The following SYNE2 variants were observed in gnomAD, a reference collection of about 807,000 sequenced individuals.
SYNE2 encodes the protein nesprin-2.
SYNE2 carries 431 observed loss-of-function variants against 856.3 expected under a neutral mutation model. That is an observed-to-expected ratio of 0.50 (90% CI 0.47 to 0.55). The LOEUF is 0.55. Among genes scored for constraint, SYNE2 ranks in the 20% least tolerant of loss-of-function variants. The pLI is 0.00. For synonymous variants in SYNE2, 2,923 were observed against 2,872.3 expected (o/e 1.02, Z -0.56); for missense variants, 8,129 against 8,023.2 (o/e 1.01, Z -0.50).
chr14:64,223,013 T>C (rs1028185440), intron 112 of SYNE2, among the ~76,000 whole-genome samples, 176 bp from the exon 113 acceptor site: 1 of 152,226 alleles, frequency 6.6e-6, no homozygotes, highest in African/African-American at 2.4e-5. Flanking sequence ...ATACACTTGC[T>C]ATCTAAATAG....
At position 64,106,138 on chromosome 14, in the gene SYNE2, C is replaced by G. The variant is rs1023601134; in HGVS notation, c.12493-1353C>G. Among the ~76,000 whole-genome samples, 9 of 148,606 alleles carry G rather than the reference C, an allele frequency of 6.1e-5. No homozygotes were observed. The East Asian group carries it at 8.0e-4, about 13-fold the overall frequency. On this transcript the variant is annotated intron_variant, in intron 64 of 115. Transcript: ENST00000555002. ...CATGGAATTGCATTTCCAGACCCCC[C>G]CCCCCAACCAACACACAAGCTGATT... is the stretch of plus-strand genomic sequence containing the variant.
intron 83 of SYNE2, 100 bp downstream of exon 83, chr14:64,144,048 G>A: frequency 7.1e-7 from 1 of 1,408,076 alleles, no homozygotes. Context: ...TGATTATTAA[G>A]CCTAATAATC....
chr14:63,797,675 C>A (rs575911909), intron 1 of SYNE2, among the ~76,000 whole-genome samples: 3 of 152,228 alleles, frequency 2.0e-5, no homozygotes, highest in Non-Finnish European at 4.4e-5. Context: ...CTCCTGACCA[C>A]AAGTGATCCA....
chr14:64,161,559 A>G (rs1395476727), intron 87 of SYNE2, among the ~76,000 whole-genome samples: 1 of 152,080 alleles, frequency 6.6e-6, no homozygotes, highest in Non-Finnish European at 1.5e-5. Flanking sequence ...TATCAGGCAT[A>G]CAGTTCAGTG....
intron 38 of SYNE2, 194 bp from the exon 39 acceptor site, chr14:64,024,063 G>A (rs1310492684): frequency 7.3e-6 from 4 of 550,528 alleles, no homozygotes; most frequent in South Asian, 1.9e-5. Context: ...TTTGCTTGAT[G>A]TAATTCCCAA....
intron 6 of SYNE2, among the ~76,000 whole-genome samples, chr14:63,948,191 A>G (rs1312755378): frequency 6.6e-6 from 1 of 151,276 alleles, no homozygotes; most frequent in Non-Finnish European, 1.5e-5. Context: ...ACACACACAC[A>G]CACACACTCC....
At chr14:63,766,813 C>A (rs1886704681) in intron 1 of SYNE2, among the ~76,000 whole-genome samples, 1 of 152,116 alleles carries the variant, frequency 6.6e-6, no homozygotes, top group Non-Finnish European at 1.5e-5. Context: ...GGCCTTAGAT[C>A]TCCTTCTTTG....
intron 78 of SYNE2, 58 bp from the exon 79 acceptor site, chr14:64,137,729 A>G: frequency 1.3e-6 from 2 of 1,578,292 alleles, no homozygotes; most frequent in South Asian, 1.1e-5. Flanking sequence ...GTATTTGTGA[A>G]TAGCTTGGCA....
intron 45 of SYNE2, among the ~76,000 whole-genome samples, chr14:64,038,212 G>A (rs1595052822): frequency 1.3e-5 from 2 of 152,204 alleles, no homozygotes; most frequent in South Asian, 2.1e-4. Flanking sequence ...TGGGCGGCCG[G>A]GCAGAGACGC....
At chr14:63,826,143 A>G (rs578248543) in intron 1 of SYNE2, among the ~76,000 whole-genome samples, 1 of 152,318 alleles carries the variant, frequency 6.6e-6, no homozygotes, top group Admixed American at 6.5e-5. Flanking sequence ...CCCAATTTCA[A>G]AACTTACTAA....
rs2096481674 is a variant in SYNE2, at chr14:63,971,838, A to T, written c.1128+3992A>T. Reference sequence around the variant, plus strand: ...TTGCCTTCATTAAAAAAATGACTTTATTGAGGAATAATTTATGTAACATCT... The same window carrying T: ...TTGCCTTCATTAAAAAAATGACTTTTTTGAGGAATAATTTATGTAACATCT... On this transcript the variant is annotated intron_variant, in intron 11 of 115. Transcript: ENST00000555002. Among the ~76,000 whole-genome samples the T allele has an allele frequency of 6.6e-5, 10 of 152,088 alleles. No individual in the cohort carries two copies. In the South Asian group the frequency reaches 2.1e-3, roughly 31 times the overall value.
chr14:63,885,739 A>G (rs1433942173), intron 1 of SYNE2, among the ~76,000 whole-genome samples: 1 of 152,122 alleles, frequency 6.6e-6, no homozygotes, highest in Non-Finnish European at 1.5e-5. Context: ...AACCTGTTTT[A>G]TTTTGAATAT....
chr14:63,855,997 ATGT>A (rs1051389382), intron 1 of SYNE2, among the ~76,000 whole-genome samples: 1 of 152,156 alleles, frequency 6.6e-6, no homozygotes, highest in African/African-American at 2.4e-5. Context: ...GGAGCTAGCC[ATGT>A]TGTTGTGGCA....
At chr14:64,106,762 A>G (rs959960431) in intron 64 of SYNE2, among the ~76,000 whole-genome samples, 2 of 152,164 alleles carry the variant, frequency 1.3e-5, no homozygotes, top group African/African-American at 4.8e-5. Flanking sequence ...TGTAGTCAAT[A>G]CTAATATTAT....
intron 6 of SYNE2, 44 bp downstream of exon 6, chr14:63,942,187 G>A: frequency 8.4e-7 from 1 of 1,189,326 alleles, no homozygotes; most frequent in Non-Finnish European, 1.2e-6. Context: ...CCCTACCACA[G>A]TATAAAATAA....
intron 10 of SYNE2, among the ~76,000 whole-genome samples, chr14:63,966,444 G>T (rs1159802900): frequency 1.3e-5 from 2 of 151,996 alleles, no homozygotes; most frequent in African/African-American, 4.8e-5. Context: ...GTTCACTTGA[G>T]CCCAGGAGGC....
chr14:64,026,527 G>A (rs1274600199), intron 41 of SYNE2, 52 bp from the exon 42 acceptor site: 23 of 1,355,786 alleles, frequency 1.7e-5, no homozygotes, highest in Non-Finnish European at 2.3e-5. Flanking sequence ...ATAGCATGTA[G>A]TATCTCTAAG....
At position 64,216,405 on chromosome 14, in the gene SYNE2, T is replaced by C. The variant is rs2098666684; in HGVS notation, c.19542+18T>C. ...CACCCTATGTAAGTCTTAACTTCAC[T>C]GGGAGTACAGCCTATGTCTGTGAGT... On this transcript the variant is annotated intron_variant, in intron 108 of 115. Coordinates refer to ENST00000555002, the MANE Select transcript of SYNE2 (RefSeq NM_182914.3). 5 of 1,613,410 alleles carry C rather than the reference T, an allele frequency of 3.1e-6. No homozygotes were observed. The highest frequency in any genetic ancestry group is 4.2e-6 in the Non-Finnish European group (5 of 1,179,342).
intron 38 of SYNE2, 32 bp downstream of exon 38, chr14:64,022,895 T>C: frequency 8.5e-7 from 1 of 1,182,592 alleles, no homozygotes; most frequent in South Asian, 1.3e-5. Flanking sequence ...TTAATAAAAA[T>C]TTTCAATACT....
Sources: gnomAD v4.1 joint callset for allele counts (sites outside exome capture counted in the v4.1 genomes callset) on GRCh38, gnomAD v4.1.1 for gene constraint, MANE v1.5 for transcripts, NCBI Gene and HGNC (gene_info 2026-07-23, HGNC 2026-07-21) for gene names.